The following ECPAS variants were observed in gnomAD, a reference collection of about 807,000 sequenced individuals.
ECPAS encodes Ecm29 proteasome adaptor and scaffold, also known as proteasome adapter and scaffold protein ECM29.
In ECPAS, 70 loss-of-function variants were observed where a neutral mutation model predicts 255.1. The ratio of observed to expected loss-of-function variants is 0.27; its 90% CI spans 0.23 to 0.33. The LOEUF (loss-of-function observed/expected upper bound fraction) is 0.33, where lower values mean the gene tolerates loss of function less well. Among genes scored for constraint, ECPAS ranks in the 10% least tolerant of loss-of-function variants. The probability of loss-of-function intolerance (pLI) is 1.00; values close to 1 mark genes in which losing one functional copy is unlikely to be tolerated. For synonymous variants in ECPAS, 784 were observed against 775.0 expected, an observed-to-expected ratio of 1.01 and a Z score of -0.19; for missense variants, 1,817 against 2,206.4, an observed-to-expected ratio of 0.82 and a Z score of 3.54.
intron 10 of ECPAS, 104 bp downstream of exon 10, chr9:111,427,938 T>C (rs1345476725): frequency 3.2e-6 from 3 of 924,052 alleles, no homozygotes; most frequent in Non-Finnish European, 4.6e-6. Context: ...TCTTGTTATA[T>C]ACATCAACCT....
At chr9:111,422,937 A>C (rs1184520750) in intron 13 of ECPAS, among the ~76,000 whole-genome samples, 1 of 152,212 alleles carries the variant, frequency 6.6e-6, no homozygotes, top group Non-Finnish European at 1.5e-5. Context: ...AGGGTACAAA[A>C]AAAGTAACCC....
intron 6 of ECPAS, among the ~76,000 whole-genome samples, chr9:111,439,434 A>C (rs535610480): frequency 6.6e-6 from 1 of 151,994 alleles, no homozygotes; most frequent in East Asian, 1.9e-4. Flanking sequence ...AGGGCTGACT[A>C]ATTTTTGTAT....
At chr9:111,408,287 C>T (rs1350016415) in intron 24 of ECPAS, among the ~76,000 whole-genome samples, 1 of 152,178 alleles carries the variant, frequency 6.6e-6, no homozygotes, top group South Asian at 2.1e-4. Context: ...GTGGCTCACT[C>T]CACACATCTG....
At chr9:111,366,206 A>T in intron 48 of ECPAS, 33 bp downstream of exon 48, 13 of 1,233,148 alleles carry the variant, frequency 1.1e-5, no homozygotes, top group Non-Finnish European at 1.3e-5. Context: ...TAAAATTAGG[A>T]CTCCCTCATC....
chr9:111,479,025 G>C (rs1456166696), intron 1 of ECPAS, among the ~76,000 whole-genome samples: 4 of 152,142 alleles, frequency 2.6e-5, no homozygotes, highest in Non-Finnish European at 5.9e-5. Context: ...ATGGCCTCAA[G>C]GATGGCTGTG....
intron 15 of ECPAS, among the ~76,000 whole-genome samples, chr9:111,421,384 C>T (rs1009232935): frequency 1.3e-5 from 2 of 149,178 alleles, no homozygotes; most frequent in African/African-American, 5.0e-5. Flanking sequence ...CTGACTAAAG[C>T]AAATATATAT....
intron 9 of ECPAS, among the ~76,000 whole-genome samples, chr9:111,428,613 G>T (rs1012882183): frequency 6.6e-6 from 1 of 151,958 alleles, no homozygotes; most frequent in East Asian, 1.9e-4. Flanking sequence ...CAAAAACCTC[G>T]CTTGCACAGA....
At position 111,394,189 on chromosome 9, in the gene ECPAS, T is replaced by G. The variant is rs2131623476; in HGVS notation, c.2893A>C (p.Arg965=). ...AACIWLLSLV[R]KLSTHKEVKS... ...ACTTCTTTGTGGGTACTTAGCTTCCTGACAAGGGAAAGGAGCCAGATGCAG... is the reference window on the plus strand; with the variant it reads ...ACTTCTTTGTGGGTACTTAGCTTCCGGACAAGGGAAAGGAGCCAGATGCAG... Residue 965 remains arginine (R), a synonymous_variant, in exon 26 of 50, where the codon AGG becomes CGG. Coordinates refer to ENST00000684092, the MANE Select transcript of ECPAS (RefSeq NM_001364929.1). 2 of 1,608,966 alleles carry G rather than the reference T, an allele frequency of 1.2e-6. No homozygotes were observed. Among genetic ancestry groups the G allele is most frequent in the East Asian group, 4.5e-5 (2 of 44,618 alleles).
chr9:111,388,353 T>G (rs2098153711), intron 31 of ECPAS, among the ~76,000 whole-genome samples: 2 of 148,552 alleles, frequency 1.3e-5, no homozygotes, highest in South Asian at 2.3e-4. Context: ...CCCACTGGCC[T>G]ACTAGATCTT....
Position 111,410,025 on chromosome 9 carries a change from T to A in ECPAS, c.2550+16A>T, listed in dbSNP as rs2098191432. ...GACCGAATTCCAGAAAGGGAAAAAA[T>A]AAGAAAAAAACTTACCTTATTTGTT... On this transcript the variant is annotated intron_variant, in intron 23 of 49. Coordinates refer to ENST00000684092, the MANE Select transcript of ECPAS (RefSeq NM_001364929.1). 6.5e-7 allele frequency: 1 copy of A among 1,540,398 alleles called. No homozygotes were observed. The highest frequency in any genetic ancestry group is 8.8e-7 in the Non-Finnish European group (1 of 1,139,024).
Position 111,415,717 on chromosome 9 carries a change from C to A in ECPAS, c.1764+555G>T, listed in dbSNP as rs570377832. On this transcript the variant is annotated intron_variant, in intron 18 of 49. Transcript: ENST00000684092. ...GACTCCTTCTCAAAAAAAAAAAAAA[C>A]CAAACAAACAAAAAAAACAACCCTT... 2.2e-4 allele frequency among the ~76,000 whole-genome samples: 33 copies of A among 148,832 alleles called. No individual in the cohort carries two copies. In the South Asian group the frequency reaches 4.1e-3, roughly 18 times the overall value.
intron 2 of ECPAS, among the ~76,000 whole-genome samples, chr9:111,460,384 A>G (rs6477822): frequency 0.028 from 4,324 of 152,306 alleles, 216 homozygotes; most frequent in African/African-American, 0.097. Context: ...CATTATATCT[A>G]AAGGTAAAAT....
chr9:111,481,285 T>C (rs1271247794), intron 1 of ECPAS, among the ~76,000 whole-genome samples: 14 of 151,924 alleles, frequency 9.2e-5, no homozygotes, highest in Admixed American at 9.2e-4. Context: ...TCACAGCAGA[T>C]CACAAGGTCA....
chr9:111,375,782 C>A (rs1372416630), intron 37 of ECPAS, among the ~76,000 whole-genome samples: 1 of 152,194 alleles, frequency 6.6e-6, no homozygotes, highest in Non-Finnish European at 1.5e-5. Flanking sequence ...ACTCCCCCAG[C>A]AGGCACTAAA....
intron 4 of ECPAS, among the ~76,000 whole-genome samples, chr9:111,443,624 T>C (rs1477367072): frequency 1.3e-5 from 2 of 152,224 alleles, no homozygotes; most frequent in Non-Finnish European, 2.9e-5. Context: ...GGCATTTTTA[T>C]TGGCACACAG....
In ECPAS at chr9:111,363,656, T is replaced by A. The variant is rs1458111703; in HGVS notation, c.5312A>T (p.Asn1771Ile). The A allele has an allele frequency of 6.7e-7, 1 of 1,489,126 alleles. No homozygotes were observed. The highest frequency in any genetic ancestry group is 9.1e-7 in the Non-Finnish European group (1 of 1,095,094). 92.2% of individuals were successfully genotyped at this position (1,489,126 alleles called of 1,614,324 possible). The change falls in exon 49 of 50, where the codon AAT becomes ATT. Residue 1771 changes from asparagine (N) to isoleucine (I), a missense_variant. Around this residue, in one of 4 missense-constraint regions of ECPAS, gnomAD observed 960 missense variants for 1,179.0 expected, o/e 0.81. Transcript: ENST00000684092. ...TCKSITYSLE[N>I]KTYSSVRTEA... ...TGTTCTCACAGATGAGTAGGTCTTATTTTCTAAAAAGAAATATCATACAGT... is the reference window on the plus strand; with the variant it reads ...TGTTCTCACAGATGAGTAGGTCTTAATTTCTAAAAAGAAATATCATACAGT...
intron 35 of ECPAS, among the ~76,000 whole-genome samples, chr9:111,382,870 T>C (rs1465183272): frequency 6.6e-6 from 1 of 152,222 alleles, no homozygotes; most frequent in East Asian, 1.9e-4. Flanking sequence ...TTGCAGGTGG[T>C]AAACAGCTTC....
At chr9:111,366,859 T>C (rs2098120969) in intron 46 of ECPAS, among the ~76,000 whole-genome samples, 1 of 152,158 alleles carries the variant, frequency 6.6e-6, no homozygotes, top group African/African-American at 2.4e-5. Flanking sequence ...TTGTACTCAA[T>C]CCCCAAACAA....
rs373529182 is a variant in ECPAS at position 111,416,319 on chromosome 9, T to C, written c.1717A>G (p.Met573Val). 1.7e-5 allele frequency: 27 copies of C among 1,613,648 alleles called. No individual in the cohort carries two copies. Among genetic ancestry groups the C allele is most frequent in the Admixed American group, 3.3e-5 (2 of 59,978 alleles). Residue 573 changes from methionine to valine, a missense_variant, in exon 18 of 50, where the codon ATG (methionine) becomes GTG (valine). This residue lies in a region of ECPAS where 573 missense variants were observed against 716.2 expected (regional missense o/e 0.80). Coordinates refer to ENST00000684092, the MANE Select transcript of ECPAS (RefSeq NM_001364929.1). Reference protein sequence around the residue: ...SHRMKTPVKYMTGTTVLPFNP... With the variant: ...SHRMKTPVKYVTGTTVLPFNP... ...AATGGAAGGACAGTGGTCCCGGTCA[T>C]GTACTTGACTGGAGTTTTCATTCGA...
Sources: gnomAD v4.1 joint callset for allele counts (sites outside exome capture counted in the v4.1 genomes callset) on GRCh38, gnomAD v4.1.1 for gene constraint, gnomAD v4.1.1 regional missense constraint, MANE v1.5 for transcripts, NCBI Gene and HGNC (gene_info 2026-07-23, HGNC 2026-07-21) for gene names.